The following DOCK2 variants were observed in gnomAD, a reference collection of about 807,000 sequenced individuals.
DOCK2 encodes the protein dedicator of cytokinesis 2.
Under a neutral mutation model 248.9 loss-of-function variants are expected in DOCK2, and 87 were observed. The observed-to-expected ratio is 0.35, with a 90% CI of 0.29 to 0.42. The LOEUF (loss-of-function observed/expected upper bound fraction) is 0.42, where lower values mean the gene tolerates loss of function less well. DOCK2 is among the 10% of genes least tolerant of loss of function. DOCK2 has a pLI of 1.00. For missense variants in DOCK2, 1,747 were observed against 2,300.2 expected (o/e 0.76, Z 4.92); for synonymous variants, 805 against 821.6 (o/e 0.98, Z 0.35).
chr5:169,875,215 A>G (rs896536165), intron 27 of DOCK2: 1 of 456,400 alleles, frequency 2.2e-6, no homozygotes, highest in Admixed American at 2.3e-5. Context: ...ATTTGAACCA[A>G]CCATTCCCAG....
chr5:169,948,613 A>ATTTTTTTTTTTTTTTTTTTT (rs772095719), intron 27 of DOCK2, among the ~76,000 whole-genome samples: 2 of 135,946 alleles, frequency 1.5e-5, no homozygotes, highest in South Asian at 4.9e-4. Flanking sequence ...TCCACAATTA[A>ATTTTTTTTTTTTTTTTTTTT]TTTTTTTTTT....
At chr5:169,883,652 A>G in intron 27 of DOCK2, 2 of 1,551,182 alleles carry the variant, frequency 1.3e-6, no homozygotes, top group Non-Finnish European at 1.7e-6. Flanking sequence ...GACCTGGGGA[A>G]GGAGAGCGAG....
intron 27 of DOCK2, among the ~76,000 whole-genome samples, chr5:169,937,893 T>C (rs1436580357): frequency 1.3e-5 from 2 of 152,230 alleles, no homozygotes; most frequent in African/African-American, 4.8e-5. Flanking sequence ...TTCTCCATTC[T>C]GCCTTTCCAG....
intron 22 of DOCK2, among the ~76,000 whole-genome samples, chr5:169,720,556 G>C (rs1357347077): frequency 6.6e-6 from 1 of 151,892 alleles, no homozygotes; most frequent in East Asian, 1.9e-4. Context: ...CAGACAACCA[G>C]CTGCGCTAAT....
At chr5:169,824,815 C>T (rs2113257105) in intron 26 of DOCK2, among the ~76,000 whole-genome samples, 1 of 152,296 alleles carries the variant, frequency 6.6e-6, no homozygotes, top group Middle Eastern at 3.4e-3. Context: ...GCAAAAGAAA[C>T]TACCATCAGA....
At chr5:169,781,530 C>A (rs750937636) in intron 25 of DOCK2, among the ~76,000 whole-genome samples, 1 of 152,198 alleles carries the variant, frequency 6.6e-6, no homozygotes, top group Non-Finnish European at 1.5e-5. Flanking sequence ...CAAGAGACAG[C>A]AGCTTCAAGT....
intron 27 of DOCK2, chr5:169,883,355 G>A (rs1349102128): frequency 6.4e-7 from 1 of 1,551,662 alleles, no homozygotes. Context: ...ATGCTAACAG[G>A]ACCATTGCTT....
intron 26 of DOCK2, among the ~76,000 whole-genome samples, chr5:169,810,088 G>A (rs1334341303): frequency 6.6e-6 from 1 of 152,128 alleles, no homozygotes; most frequent in Non-Finnish European, 1.5e-5. Flanking sequence ...ACAATGCCTG[G>A]CTCTTGAAGC....
intron 9 of DOCK2, 151 bp downstream of exon 9, chr5:169,689,484 C>A (rs1760171942): frequency 2.6e-6 from 2 of 767,934 alleles, no homozygotes; most frequent in African/African-American, 1.7e-5. Context: ...TGACAAAGGA[C>A]ATTGTGTGCC....
At chr5:169,637,424 C>T (rs1360372741) in intron 1 of DOCK2, 55 bp downstream of exon 1, 14 of 1,304,912 alleles carry the variant, frequency 1.1e-5, no homozygotes, top group Non-Finnish European at 1.4e-5. Context: ...GGGAGAGCCG[C>T]GAGCAGGAGG....
At chr5:169,944,438 C>T (rs764055782) in intron 27 of DOCK2, among the ~76,000 whole-genome samples, 14 of 152,136 alleles carry the variant, frequency 9.2e-5, no homozygotes, top group African/African-American at 3.4e-4. Context: ...AGGAGCCAGC[C>T]GTGACTCTGG....
intron 3 of DOCK2, 96 bp from the exon 4 acceptor site, chr5:169,670,446 C>CT (rs1441363459): frequency 4.5e-5 from 64 of 1,413,370 alleles, no homozygotes; most frequent in Non-Finnish European, 5.6e-5. Flanking sequence ...AAGCCAGTAG[C>CT]TTTTGGAAAA....
chr5:169,767,875 T>A (rs1581162200), intron 25 of DOCK2, among the ~76,000 whole-genome samples: 1 of 152,342 alleles, frequency 6.6e-6, no homozygotes, highest in East Asian at 1.9e-4. Context: ...TTCATTCCAG[T>A]GAGATCAAAT....
In DOCK2 at chr5:169,873,764, A is replaced by G. The variant is rs1389239139; in HGVS notation, c.2799+32912A>G. Among the ~76,000 whole-genome samples the G allele has an allele frequency of 2.6e-5, 4 of 152,200 alleles. No homozygotes were observed. The East Asian group carries it at 5.8e-4, about 22-fold the overall frequency. ...AGCTTTGAGTGGCAGGCAAGGCCAG[A>G]GCTCAGTGGCCAAATCGCTTAACCA... On this transcript the variant is annotated intron_variant, in intron 27 of 51. Transcript: ENST00000520908.
At chr5:169,678,045 G>A (rs889951178) in intron 6 of DOCK2, among the ~76,000 whole-genome samples, 2 of 152,182 alleles carry the variant, frequency 1.3e-5, no homozygotes, top group Admixed American at 6.5e-5. Flanking sequence ...TTAAGTGGGG[G>A]AGAATTCTGT....
At chr5:170,041,208 G>T in intron 37 of DOCK2, 63 bp downstream of exon 37, 1 of 1,429,692 alleles carries the variant, frequency 7.0e-7, no homozygotes. Flanking sequence ...ACAGCAAGTT[G>T]AAGAGTGAAA....
At chr5:170,012,913 C>T (rs1213604714) in intron 32 of DOCK2, among the ~76,000 whole-genome samples, 4 of 152,102 alleles carry the variant, frequency 2.6e-5, no homozygotes, top group African/African-American at 7.2e-5. Context: ...TTGGCCTGGC[C>T]AAGCCTCGAG....
At chr5:169,712,051 G>A (rs1250151366) in intron 16 of DOCK2, 44 bp downstream of exon 16, 2 of 1,613,928 alleles carry the variant, frequency 1.2e-6, no homozygotes, top group South Asian at 1.1e-5. Flanking sequence ...CCCCCTAAGG[G>A]GAGAAGAATG....
At chr5:169,988,831 G>T (rs79905804) in intron 29 of DOCK2, among the ~76,000 whole-genome samples, 1 of 152,082 alleles carries the variant, frequency 6.6e-6, no homozygotes, top group Non-Finnish European at 1.5e-5. Context: ...ACTCTCCAAG[G>T]TCATGCCACT....
Sources: allele counts gnomAD v4.1 joint callset (sites outside exome capture counted in the v4.1 genomes callset), GRCh38; gene constraint gnomAD v4.1.1; transcripts MANE v1.5; gene names NCBI Gene and HGNC (gene_info 2026-07-23, HGNC 2026-07-21).